U2SURP: variants seen among roughly 807,000 people sequenced by gnomAD.
The protein encoded by U2SURP is U2 snRNP-associated SURP motif-containing protein.
A neutral mutation model predicts 144.9 loss-of-function variants in U2SURP; 9 were observed. The ratio of observed to expected loss-of-function variants is 0.06; its 90% CI spans 0.04 to 0.11. U2SURP has a LOEUF of 0.11. U2SURP is among the 10% of genes least tolerant of loss of function. The pLI is 1.00. For synonymous variants in U2SURP, 408 were observed against 396.8 expected (o/e 1.03, Z -0.33); for missense variants, 724 against 1,226.7 (o/e 0.59, Z 6.12).
intron 24 of U2SURP, among the ~76,000 whole-genome samples, chr3:143,050,131 T>A (rs1006195518): frequency 2.0e-5 from 3 of 152,048 alleles, no homozygotes; most frequent in Admixed American, 6.6e-5. Context: ...TGGAGTACAA[T>A]GGTGCCATCT....
chr3:143,011,928 A>G (rs1424950632), intron 2 of U2SURP: 1 of 517,500 alleles, frequency 1.9e-6, no homozygotes, highest in Non-Finnish European at 3.7e-6. Context: ...ATGGTGAATC[A>G]GACTTGGGGA....
chr3:143,007,685 C>T (rs559339225), intron 1 of U2SURP, among the ~76,000 whole-genome samples: 12 of 152,218 alleles, frequency 7.9e-5, no homozygotes, highest in African/African-American at 1.9e-4. Context: ...CTTTGTGATC[C>T]GCCCGCCTTG....
chr3:143,012,450 TG>T, intron 3 of U2SURP, 97 bp downstream of exon 3: 1 of 1,235,978 alleles, frequency 8.1e-7, no homozygotes, highest in African/African-American at 1.5e-5. Flanking sequence ...TGGTTTTGTA[TG>T]TGTTTCATCT....
chr3:143,030,225 A>G (rs1933401086), intron 16 of U2SURP, among the ~76,000 whole-genome samples: 1 of 152,218 alleles, frequency 6.6e-6, no homozygotes, highest in Admixed American at 6.5e-5. Flanking sequence ...AGAGAGGGGA[A>G]GTCACTGCCT....
chr3:143,038,256 A>G (rs1933916828), intron 22 of U2SURP, 53 bp downstream of exon 22: 1 of 1,309,694 alleles, frequency 7.6e-7, no homozygotes. Flanking sequence ...TACGTTAATT[A>G]TTGGTGTGCT....
At chr3:143,048,007 C>G (rs1934632221) in intron 24 of U2SURP, among the ~76,000 whole-genome samples, 1 of 152,176 alleles carries the variant, frequency 6.6e-6, no homozygotes, top group African/African-American at 2.4e-5. Context: ...TTTCTACCAA[C>G]AAGGTTGGAA....
intron 25 of U2SURP, 34 bp downstream of exon 25, chr3:143,051,083 T>C: frequency 7.6e-7 from 1 of 1,307,854 alleles, no homozygotes; most frequent in South Asian, 1.3e-5. Context: ...ATACACATAT[T>C]TTGAAGTTAT....
chr3:143,051,113 A>T (rs2108317348), intron 25 of U2SURP, 64 bp downstream of exon 25: 1 of 957,668 alleles, frequency 1.0e-6, no homozygotes. Context: ...TTCCTAGAAT[A>T]CTGGTATACC....
Position 143,016,853 on chromosome 3 carries a change from A to G in U2SURP, c.448A>G (p.Thr150Ala), listed in dbSNP as rs1173431393. 6.4e-7 allele frequency: 1 copy of G among 1,557,478 alleles called. No homozygotes were observed. The highest frequency in any genetic ancestry group is 8.6e-7 in the Non-Finnish European group (1 of 1,160,652). ...VVNAAKEEHE[T>A]DEKRGKIYKP... is the part of the protein sequence containing the mutation. ...ATTTTAAATTTCAGAAGAACATGAA[A>G]CAGATGAAAAAAGAGGTAAAATCTA... is the stretch of plus-strand genomic sequence containing the variant. The change falls in exon 6 of 28, where the codon ACA (threonine) becomes GCA (alanine). Residue 150 changes from threonine to alanine, a missense_variant. Around this residue, in one of 13 missense-constraint regions of U2SURP, gnomAD observed 115 missense variants for 258.1 expected, o/e 0.45. Transcript: ENST00000473835.
At chr3:143,009,050 A>AT (rs778303044) in intron 1 of U2SURP, among the ~76,000 whole-genome samples, 87 of 152,018 alleles carry the variant, frequency 5.7e-4, no homozygotes, top group African/African-American at 1.1e-3. Context: ...CAGGCAGTTG[A>AT]TTTTTTTCAG....
chr3:143,054,599 G>T (rs1935051578), intron 26 of U2SURP, among the ~76,000 whole-genome samples: 1 of 152,122 alleles, frequency 6.6e-6, no homozygotes, highest in African/African-American at 2.4e-5. Context: ...AACCATTTAA[G>T]AATAATTTGC....
intron 22 of U2SURP, 146 bp from the exon 23 acceptor site, chr3:143,038,748 A>G: frequency 1.9e-6 from 1 of 538,162 alleles, no homozygotes; most frequent in Non-Finnish European, 3.2e-6. Context: ...GCATATAGAA[A>G]TAACTATTTA....
chr3:143,013,321 T>C (rs979724369), intron 3 of U2SURP, among the ~76,000 whole-genome samples: 2 of 152,080 alleles, frequency 1.3e-5, no homozygotes, highest in Admixed American at 6.5e-5. Flanking sequence ...TTTGAGAAAA[T>C]TTATTTTGAA....
rs1376672562 is a variant in U2SURP at position 143,056,910 on chromosome 3, T to TG, written c.*461dup. 7 of 161,000 alleles carry TG rather than the reference T, an allele frequency of 4.3e-5. No homozygotes were observed. The highest frequency in any genetic ancestry group is 1.7e-4 in the African/African-American group (7 of 41,634). 10.0% of individuals were successfully genotyped at this position (161,000 alleles called of 1,614,324 possible). On this transcript the variant is annotated 3_prime_UTR_variant, in exon 28 of 28. Transcript: ENST00000473835. ...AAAGTCCTACTGAGTTTCACACTAC[T>TG]GTTGTGCTTCTTATACCTGATGCAC...
chr3:143,048,502 C>T (rs1934664674), intron 24 of U2SURP, among the ~76,000 whole-genome samples: 2 of 152,258 alleles, frequency 1.3e-5, no homozygotes, highest in East Asian at 1.9e-4. Flanking sequence ...CTCAGCCTTA[C>T]ATCTTATCTT....
chr3:143,033,242 C>G (rs1933605361), intron 17 of U2SURP, 29 bp from the exon 18 acceptor site: 1 of 1,324,760 alleles, frequency 7.5e-7, no homozygotes, highest in African/African-American at 1.5e-5. Context: ...TTATATTAAC[C>G]TATTTTGTGT....
At chr3:143,032,236 C>G (rs1256029707) in intron 16 of U2SURP, among the ~76,000 whole-genome samples, 1 of 152,072 alleles carries the variant, frequency 6.6e-6, no homozygotes, top group African/African-American at 2.4e-5. Flanking sequence ...CTGCACTTGG[C>G]TAATTTTTAT....
intron 22 of U2SURP, 98 bp downstream of exon 22, chr3:143,038,301 G>T (rs777006168): frequency 9.4e-5 from 82 of 874,476 alleles, no homozygotes; most frequent in Admixed American, 6.5e-5. Flanking sequence ...TTTATAACAC[G>T]TTTTAACCTT....
At chr3:143,043,669 C>T (rs13088422) in intron 24 of U2SURP, among the ~76,000 whole-genome samples, 102,106 of 151,312 alleles carry the variant, frequency 0.67, 34,639 homozygotes, top group African/African-American at 0.75. Flanking sequence ...TAATACATGA[C>T]ACATAGGAGA....
Sources: allele counts gnomAD v4.1 joint callset (sites outside exome capture counted in the v4.1 genomes callset), GRCh38; gene constraint gnomAD v4.1.1; regional missense constraint gnomAD v4.1.1; transcripts MANE v1.5; gene names NCBI Gene and HGNC (gene_info 2026-07-23, HGNC 2026-07-21).